ANGPT1: variants seen among roughly 807,000 people sequenced by gnomAD.
The protein encoded by ANGPT1 is angiopoietin 1.
ANGPT1 carries 17 observed loss-of-function variants against 62.2 expected under a neutral mutation model. The observed-to-expected ratio is 0.27, with a 90% CI of 0.19 to 0.41. The LOEUF (loss-of-function observed/expected upper bound fraction) is 0.41, where lower values mean the gene tolerates loss of function less well. ANGPT1 is among the 10% of genes least tolerant of loss of function. The probability of loss-of-function intolerance (pLI) is 1.00; values close to 1 mark genes in which losing one functional copy is unlikely to be tolerated. For synonymous variants in ANGPT1, 199 were observed against 198.9 expected (o/e 1.00, Z 0.00); for missense variants, 478 against 594.9 (o/e 0.80, Z 2.04).
chr8:107,427,925 T>C (rs957479637), intron 1 of ANGPT1, among the ~76,000 whole-genome samples: 2 of 152,168 alleles, frequency 1.3e-5, no homozygotes, highest in Non-Finnish European at 2.9e-5. Context: ...AGCAAGGCAT[T>C]ACAGGACTTT....
intron 1 of ANGPT1, among the ~76,000 whole-genome samples, chr8:107,472,833 A>G (rs1471219299): frequency 5.3e-5 from 8 of 151,964 alleles, no homozygotes; most frequent in Non-Finnish European, 8.8e-5. Context: ...ACACCTTCCC[A>G]TACAACAAAA....
intron 7 of ANGPT1, among the ~76,000 whole-genome samples, chr8:107,280,418 T>A (rs928283248): frequency 6.6e-6 from 1 of 152,120 alleles, no homozygotes; most frequent in African/African-American, 2.4e-5. Context: ...AGCTGCAACC[T>A]GTCAGTCAAC....
intron 1 of ANGPT1, among the ~76,000 whole-genome samples, chr8:107,436,228 G>C (rs1811328307): frequency 6.6e-6 from 1 of 152,276 alleles, no homozygotes; most frequent in African/African-American, 2.4e-5. Context: ...TTTAGAAGCA[G>C]AGCATGTGAA....
chr8:107,489,315 G>A (rs534741324), intron 1 of ANGPT1, among the ~76,000 whole-genome samples: 1 of 152,172 alleles, frequency 6.6e-6, no homozygotes, highest in East Asian at 1.9e-4. Context: ...TAATTTGCAT[G>A]TTTTTTCAAG....
At chr8:107,293,661 C>A (rs1268778646) in intron 6 of ANGPT1, among the ~76,000 whole-genome samples, 1 of 152,094 alleles carries the variant, frequency 6.6e-6, no homozygotes, top group Non-Finnish European at 1.5e-5. Flanking sequence ...GTTCTAGCTT[C>A]CCCCACCCTC....
intron 1 of ANGPT1, among the ~76,000 whole-genome samples, chr8:107,496,136 G>C (rs565875714): frequency 1.3e-5 from 2 of 152,274 alleles, no homozygotes; most frequent in African/African-American, 4.8e-5. Context: ...CCGGTTAACA[G>C]ACTAACTTAA....
At position 107,309,557 on chromosome 8, in the gene ANGPT1, G is replaced by A. The variant is rs1305626229; in HGVS notation, c.809-6190C>T. Among the ~76,000 whole-genome samples, 3 of 152,316 alleles carry A rather than the reference G, an allele frequency of 2.0e-5. No individual in the cohort carries two copies. The South Asian group carries it at 6.2e-4, about 32-fold the overall frequency. ...AGGTAATGTCTTGCATTTCAAGGGT[G>A]TGGAAGAATTAAAAGATTTCCAGGC... On this transcript the variant is annotated intron_variant, in intron 4 of 8. Transcript: ENST00000517746.
At chr8:107,357,352 AAAC>A (rs1293017988) in intron 1 of ANGPT1, among the ~76,000 whole-genome samples, 1 of 152,228 alleles carries the variant, frequency 6.6e-6, no homozygotes, top group Admixed American at 6.6e-5. Context: ...TTTTTTAACT[AAAC>A]AAGATACTGT....
intron 1 of ANGPT1, among the ~76,000 whole-genome samples, chr8:107,477,328 T>C (rs1812559896): frequency 6.6e-6 from 1 of 152,136 alleles, no homozygotes; most frequent in African/African-American, 2.4e-5. Flanking sequence ...GGAAGAGAAA[T>C]AAATCATGAT....
chr8:107,314,312 C>A (rs1051451765), intron 4 of ANGPT1, among the ~76,000 whole-genome samples: 4 of 152,156 alleles, frequency 2.6e-5, no homozygotes, highest in African/African-American at 7.2e-5. Context: ...TCAGATAGTT[C>A]ATCTTGTTTC....
At chr8:107,339,592 A>G (rs1359858476) in intron 2 of ANGPT1, among the ~76,000 whole-genome samples, 2 of 152,130 alleles carry the variant, frequency 1.3e-5, no homozygotes, top group Admixed American at 1.3e-4. Context: ...TCTTTACAGA[A>G]TTATCACTAT....
At chr8:107,420,845 A>G (rs1810878947) in intron 1 of ANGPT1, among the ~76,000 whole-genome samples, 2 of 152,278 alleles carry the variant, frequency 1.3e-5, no homozygotes, top group African/African-American at 4.8e-5. Flanking sequence ...GCCTGTCTAT[A>G]TAAAAACATA....
At chr8:107,472,508 A>T (rs1359781925) in intron 1 of ANGPT1, among the ~76,000 whole-genome samples, 1 of 152,140 alleles carries the variant, frequency 6.6e-6, no homozygotes, top group Admixed American at 6.6e-5. Context: ...TAAGAAAGGT[A>T]CTTAACGTTT....
At chr8:107,289,531 T>C (rs1814224061) in intron 6 of ANGPT1, among the ~76,000 whole-genome samples, 1 of 152,282 alleles carries the variant, frequency 6.6e-6, no homozygotes, top group East Asian at 1.9e-4. Context: ...GGCACTTTCA[T>C]ATGCAGTTAA....
At chr8:107,261,474 G>C (rs1012870720) in intron 8 of ANGPT1, among the ~76,000 whole-genome samples, 2 of 152,080 alleles carry the variant, frequency 1.3e-5, no homozygotes, top group African/African-American at 4.8e-5. Context: ...GGGAGGCCGA[G>C]GCGGTCGGAT....
intron 3 of ANGPT1, among the ~76,000 whole-genome samples, chr8:107,322,957 T>C (rs548257920): frequency 1.4e-4 from 21 of 152,146 alleles, no homozygotes; most frequent in South Asian, 4.1e-4. Flanking sequence ...CTTCCTTTAT[T>C]TCTCAACTCA....
At position 107,260,107 on chromosome 8, in the gene ANGPT1, A is replaced by C. The variant is rs1275600063; in HGVS notation, c.1336+4114T>G. Among the ~76,000 whole-genome samples, 9 of 152,280 alleles carry C rather than the reference A, an allele frequency of 5.9e-5. No individual in the cohort carries two copies. In the East Asian group the frequency reaches 1.3e-3, roughly 23 times the overall value. ...ACTGATAGAAGAAAGCCAAGAAATA[A>C]GGAAGTTAGGAAATGAAGAACAAAG... On this transcript the variant is annotated intron_variant, in intron 8 of 8. Coordinates refer to ENST00000517746, the MANE Select transcript of ANGPT1 (RefSeq NM_001146.5).
chr8:107,262,767 T>C (rs1444267374), intron 8 of ANGPT1, among the ~76,000 whole-genome samples: 1 of 152,192 alleles, frequency 6.6e-6, no homozygotes, highest in African/African-American at 2.4e-5. Flanking sequence ...AACACTGAAA[T>C]AGGAATTTCT....
At chr8:107,361,047 C>A (rs1467499587) in intron 1 of ANGPT1, among the ~76,000 whole-genome samples, 1 of 152,182 alleles carries the variant, frequency 6.6e-6, no homozygotes, top group Non-Finnish European at 1.5e-5. Flanking sequence ...GAGACATCAT[C>A]TTCACGTGCA....
Sources: gnomAD v4.1 joint callset for allele counts (sites outside exome capture counted in the v4.1 genomes callset) on GRCh38, gnomAD v4.1.1 for gene constraint, MANE v1.5 for transcripts, NCBI Gene and HGNC (gene_info 2026-07-23, HGNC 2026-07-21) for gene names.